Variants in SRGAP1 observed in about 807,000 individuals in gnomAD.
SRGAP1 encodes the protein SLIT-ROBO Rho GTPase-activating protein 1.
In SRGAP1, 43 loss-of-function variants were observed where a neutral mutation model predicts 121.9. The observed-to-expected ratio is 0.35, with a 90% CI of 0.28 to 0.46. The LOEUF is 0.46. Among genes scored for constraint, SRGAP1 ranks in the 20% least tolerant of loss-of-function variants. SRGAP1 has a pLI of 1.00. For synonymous variants in SRGAP1, 447 were observed against 485.4 expected, an observed-to-expected ratio of 0.92 and a Z score of 1.04; for missense variants, 1,102 against 1,350.9, an observed-to-expected ratio of 0.82 and a Z score of 2.89.
intron 1 of SRGAP1, among the ~76,000 whole-genome samples, chr12:63,845,604 A>G (rs780086504): frequency 4.6e-5 from 7 of 150,594 alleles, no homozygotes; most frequent in Non-Finnish European, 8.8e-5. Context: ...TACATTGTCA[A>G]CTAATGAAGG....
intron 2 of SRGAP1, among the ~76,000 whole-genome samples, chr12:63,986,487 A>G (rs1366246636): frequency 6.6e-6 from 1 of 151,388 alleles, no homozygotes; most frequent in African/African-American, 2.4e-5. Context: ...GCAGTGGTGC[A>G]ATCTCGGCTC....
At chr12:63,926,893 T>C (rs562037609) in intron 1 of SRGAP1, among the ~76,000 whole-genome samples, 1 of 152,324 alleles carries the variant, frequency 6.6e-6, no homozygotes, top group East Asian at 1.9e-4. Context: ...AATATTATTA[T>C]GGCTTTCTTA....
chr12:63,951,850 C>T (rs187423050), intron 1 of SRGAP1, among the ~76,000 whole-genome samples: 11 of 152,218 alleles, frequency 7.2e-5, no homozygotes, highest in African/African-American at 2.2e-4. Flanking sequence ...AACTGATAGT[C>T]TTACATAACT....
At chr12:63,980,254 A>T (rs1014424286) in intron 1 of SRGAP1, among the ~76,000 whole-genome samples, 1 of 152,106 alleles carries the variant, frequency 6.6e-6, no homozygotes, top group Non-Finnish European at 1.5e-5. Flanking sequence ...GGGTCTCCCT[A>T]TCTTGCCCAG....
At chr12:63,853,104 C>G (rs1899128596) in intron 1 of SRGAP1, among the ~76,000 whole-genome samples, 1 of 151,692 alleles carries the variant, frequency 6.6e-6, no homozygotes, top group African/African-American at 2.4e-5. Flanking sequence ...ACTGCAACCT[C>G]CGTTTCCTGG....
intron 1 of SRGAP1, chr12:63,983,267 C>T (rs2033299705): frequency 6.6e-6 from 1 of 152,108 alleles, no homozygotes; most frequent in Non-Finnish European, 1.5e-5. Context: ...ATTTCTTTGC[C>T]ATTCAAACTC....
chr12:63,844,734 A>T lies in SRGAP1; in HGVS notation c.-83A>T. 2 of 1,393,010 alleles carry T rather than the reference A, an allele frequency of 1.4e-6. No homozygotes were observed. The highest frequency in any genetic ancestry group is 2.0e-6 in the Non-Finnish European group (2 of 978,376). 86.3% of individuals were successfully genotyped at this position (1,393,010 alleles called of 1,614,324 possible). A position where few individuals can be genotyped will look rare whatever the true frequency, so the allele number is the denominator to read the frequency against. ...CTCTGGATTGCCTGCGTGTGGGAGT[A>T]CAACTCTGCCTCTCCAAGGAGAACG... On this transcript the variant is annotated 5_prime_UTR_variant, in exon 1 of 22. Coordinates refer to ENST00000355086, the MANE Select transcript of SRGAP1 (RefSeq NM_020762.4). This position sits in a 1 kb window ranked among gnomAD's most constrained non-coding sequence, Gnocchi z 4.3.
intron 2 of SRGAP1, among the ~76,000 whole-genome samples, chr12:63,985,423 G>A (rs940203724): frequency 1.3e-5 from 2 of 152,132 alleles, no homozygotes; most frequent in African/African-American, 4.8e-5. Flanking sequence ...CTGGCCAGTT[G>A]GGACCTTTTC....
At chr12:63,999,910 TAAG>T (rs922834258) in intron 3 of SRGAP1, among the ~76,000 whole-genome samples, 2 of 152,188 alleles carry the variant, frequency 1.3e-5, no homozygotes, top group African/African-American at 2.4e-5. Context: ...AATTAAAGGA[TAAG>T]AAGAAGAACT....
chr12:64,115,826 C>T lies in SRGAP1; in HGVS notation c.2157C>T (p.Tyr719=), dbSNP rs143771303. 2.5e-6 allele frequency: 4 copies of T among 1,613,388 alleles called. No homozygotes were observed. The highest frequency in any genetic ancestry group is 3.4e-6 in the Non-Finnish European group (4 of 1,179,654). ...MAGDDYCDSP[Y]SEHGTLEEVD... is the part of the protein sequence containing the mutation. ...TTGTATTCTACAGCGACAGCCCATA[C>T]AGTGAGCACGGTACATTGGAGGAAG... The change falls in exon 18 of 22, where the codon TAC becomes TAT. Residue 719 remains tyrosine, a synonymous_variant. Transcript: ENST00000355086.
rs1255087199 is a variant in SRGAP1 at position 64,146,089 on chromosome 12, T to A, written c.*3417T>A. 1.3e-5 allele frequency: 2 copies of A among 152,144 alleles called. No homozygotes were observed. The highest frequency in any genetic ancestry group is 4.8e-5 in the African/African-American group (2 of 41,416). The allele number at this position is 152,144 out of a possible 1,614,324, so 9.4% of individuals were successfully genotyped here. A position where few individuals can be genotyped will look rare whatever the true frequency, so the allele number is the denominator to read the frequency against. On this transcript the variant is annotated 3_prime_UTR_variant, in exon 22 of 22. Transcript: ENST00000355086. ...GTGGATTTGGGGATAGAGAGAAAGG[T>A]GTACTTAGTACACATTTTCTAATGG...
At chr12:63,869,641 T>G (rs1465526350) in intron 1 of SRGAP1, among the ~76,000 whole-genome samples, 2 of 152,222 alleles carry the variant, frequency 1.3e-5, no homozygotes, top group Non-Finnish European at 2.9e-5. Flanking sequence ...CATTAAAGCC[T>G]TTATAATTTG....
chr12:63,861,014 C>G (rs548908417), intron 1 of SRGAP1, among the ~76,000 whole-genome samples: 1 of 151,918 alleles, frequency 6.6e-6, no homozygotes, highest in South Asian at 2.1e-4. Flanking sequence ...TTACTTTTCT[C>G]ATGGGTCTTT....
chr12:64,043,496 A>T lies in SRGAP1; in HGVS notation c.722A>T (p.Asn241Ile), dbSNP rs1186644354. 3.1e-6 allele frequency: 5 copies of T among 1,612,738 alleles called. No homozygotes were observed. In the Admixed American group the frequency reaches 8.4e-5, roughly 27 times the overall value. The stretch of plus-strand genomic sequence containing the variant: ...AAGCTAAAATCAATTAAGGCACGGA[A>T]CGAATATCTCCTAACACTTGAAGCC... ...ENKLKSIKAR[N>I]EYLLTLEATN... Residue 241 changes from asparagine (N) to isoleucine (I), a missense_variant, in exon 6 of 22, where the codon AAC becomes ATC. Coordinates refer to ENST00000355086, the MANE Select transcript of SRGAP1 (RefSeq NM_020762.4).
intron 1 of SRGAP1, among the ~76,000 whole-genome samples, chr12:63,940,782 A>G (rs967304701): frequency 6.6e-6 from 1 of 152,216 alleles, no homozygotes; most frequent in Admixed American, 6.5e-5. Flanking sequence ...TGGAGGCAAC[A>G]TGCCTCAGAG....
intron 1 of SRGAP1, among the ~76,000 whole-genome samples, chr12:63,911,824 C>T (rs2030516191): frequency 1.3e-5 from 2 of 152,270 alleles, no homozygotes; most frequent in South Asian, 4.1e-4. Flanking sequence ...TTTCAATAAC[C>T]CAAAACTACT....
At chr12:64,082,072 TGCCAG>T (rs975380536) in intron 10 of SRGAP1, 5 of 137,590 alleles carry the variant, frequency 3.6e-5, no homozygotes, top group African/African-American at 1.3e-4. Context: ...CAAGGTCAGT[TGCCAG>T]GCCCAAAGCA....
Position 64,159,722 on chromosome 12 carries a change from C to T in SRGAP1, c.*17050C>T, listed in dbSNP as rs1432110759. 1 of 152,228 alleles carries T rather than the reference C, an allele frequency of 6.6e-6. No homozygotes were observed. The highest frequency in any genetic ancestry group is 2.4e-5 in the African/African-American group (1 of 41,450). The allele number at this position is 152,228 out of a possible 1,614,324, so 9.4% of individuals were successfully genotyped here. On this transcript the variant is annotated 3_prime_UTR_variant, in exon 22 of 22. Transcript: ENST00000355086. ...CCTGCCATGGCACTCATAGAAGCCT[C>T]CCGTTAAGATGGCAGAGCTGTAATG...
chr12:63,931,874 G>A (rs11175211), intron 1 of SRGAP1, among the ~76,000 whole-genome samples: 20,297 of 152,170 alleles, frequency 0.13, 1,685 homozygotes, highest in East Asian at 0.23. Context: ...GGGCTGGAAA[G>A]TAGCCTGCTG....
Sources: gnomAD v4.1 joint callset for allele counts (sites outside exome capture counted in the v4.1 genomes callset) on GRCh38, gnomAD v4.1.1 for gene constraint, Gnocchi (gnomAD v3.1) non-coding constraint, MANE v1.5 for transcripts, NCBI Gene and HGNC (gene_info 2026-07-23, HGNC 2026-07-21) for gene names.